Variants in RBM26 observed in about 807,000 individuals in gnomAD.
RBM26 encodes the protein RNA binding motif protein 26.
Under a neutral mutation model 123.6 loss-of-function variants are expected in RBM26, and 30 were observed. The observed-to-expected ratio is 0.24, with a 90% confidence interval of 0.18 to 0.33. The LOEUF (loss-of-function observed/expected upper bound fraction) is 0.33, where lower values mean the gene tolerates loss of function less well. RBM26 is among the 10% of genes least tolerant of loss of function. The probability of loss-of-function intolerance (pLI) is 1.00; values close to 1 mark genes in which losing one functional copy is unlikely to be tolerated. For missense variants in RBM26, 947 were observed against 1,203.6 expected (o/e 0.79, Z 3.15); for synonymous variants, 400 against 404.4 (o/e 0.99, Z 0.13).
rs56071300 is a variant in RBM26, at chr13:79,319,949, CTTTTTTTT to C, written c.*664_*671del. The C allele has an allele frequency of 0.025, 2,886 of 116,104 alleles. 30 individuals are homozygous for C. The highest frequency in any genetic ancestry group is 0.029 in the Admixed American group (12 of 416). The allele number at this position is 116,104 out of a possible 1,614,324, so 7.2% of individuals were successfully genotyped here. On this transcript the variant is annotated 3_prime_UTR_variant, in exon 22 of 22. Transcript: ENST00000438737. ...TTTAAATCAAGGAACATTGTCTTGGCTTTTTTTTTTTTTTTTTTTTTGTCATTGCTTTT... is the reference window on the plus strand; with the variant it reads ...TTTAAATCAAGGAACATTGTCTTGGCTTTTTTTTTTTTTGTCATTGCTTTT...
chr13:79,377,487 A>G lies in RBM26; in HGVS notation c.219T>C (p.Phe73=). 1 of 1,612,144 alleles carries G rather than the reference A, an allele frequency of 6.2e-7. No individual in the cohort carries two copies. Among genetic ancestry groups the G allele is most frequent in the Non-Finnish European group, 8.5e-7 (1 of 1,178,390 alleles). The change falls in exon 3 of 22, where the codon TTT becomes TTC. Residue 73 remains phenylalanine (F), a synonymous_variant. Transcript: ENST00000438737. ...KETQIFVEKL[F]DAVNTKSYLP... is the part of the protein sequence containing the mutation. Reference sequence around the variant, plus strand: ...GGTAACTCTTTGTATTCACAGCATCAAAAAGTTTTTCCACAAATATCTGTG... The same window carrying G: ...GGTAACTCTTTGTATTCACAGCATCGAAAAGTTTTTCCACAAATATCTGTG...
At chr13:79,325,789 TA>T (rs2068309507) in intron 20 of RBM26, among the ~76,000 whole-genome samples, 1 of 152,210 alleles carries the variant, frequency 6.6e-6, no homozygotes, top group South Asian at 2.1e-4. Context: ...GGTAATGTTC[TA>T]GGCCTTTACA....
downstream of RBM26, chr13:79,314,679 G>C (rs1203507672): frequency 5.9e-6 from 1 of 170,810 alleles, no homozygotes; most frequent in Non-Finnish European, 1.3e-5. Flanking sequence ...GCTCAGACTT[G>C]AATATACGTC....
intron 1 of RBM26, among the ~76,000 whole-genome samples, chr13:79,403,454 T>C (rs1201498539): frequency 1.3e-5 from 2 of 152,146 alleles, no homozygotes; most frequent in African/African-American, 2.4e-5. Flanking sequence ...AGTCTTCTCA[T>C]TTAGGTAAGA....
intron 3 of RBM26, 47 bp from the exon 4 acceptor site, chr13:79,371,977 A>T (rs750106407): frequency 7.8e-7 from 1 of 1,289,988 alleles, no homozygotes; most frequent in East Asian, 2.3e-5. Context: ...TAATTATTCC[A>T]CTGTTAAATA....
At chr13:79,314,907 T>C (rs903224032), downstream of RBM26, 2 of 965,492 alleles carry the variant, frequency 2.1e-6, no homozygotes, top group East Asian at 6.1e-5. Flanking sequence ...AATAGGATGA[T>C]ATTATTGTAA....
At chr13:79,323,078 A>G (rs1027118455) in intron 20 of RBM26, among the ~76,000 whole-genome samples, 2 of 151,572 alleles carry the variant, frequency 1.3e-5, no homozygotes, top group African/African-American at 4.8e-5. Flanking sequence ...GAACTCTTCT[A>G]TTGAAAAACA....
chr13:79,316,101 C>T (rs763317815), downstream of RBM26, among the ~76,000 whole-genome samples: 15 of 151,036 alleles, frequency 9.9e-5, no homozygotes, highest in Non-Finnish European at 2.1e-4. Flanking sequence ...AGAAAAGCCC[C>T]GAGAGAAAGA....
chr13:79,389,708 G>A (rs2077778158), intron 1 of RBM26: 2 of 152,146 alleles, frequency 1.3e-5, no homozygotes, highest in Non-Finnish European at 2.9e-5. Flanking sequence ...AAAAGTTCAA[G>A]GATGGGAAAC....
At position 79,359,562 on chromosome 13, in the gene RBM26, C is replaced by G. The variant is rs756249535; in HGVS notation, c.1529+13G>C. 7.8e-7 allele frequency: 1 copy of G among 1,275,664 alleles called. No homozygotes were observed. Among genetic ancestry groups the G allele is most frequent in the Non-Finnish European group, 1.1e-6 (1 of 890,990 alleles). The allele number at this position is 1,275,664 out of a possible 1,614,324, so 79.0% of individuals were successfully genotyped here. On this transcript the variant is annotated intron_variant, in intron 10 of 21. Transcript: ENST00000438737. ...TGCACAATTATACTCCTCAATTTTCCTGGCCACCTTACTTATCAAACCAAG... is the reference window on the plus strand; with the variant it reads ...TGCACAATTATACTCCTCAATTTTCGTGGCCACCTTACTTATCAAACCAAG...
intron 1 of RBM26, among the ~76,000 whole-genome samples, 188 bp downstream of exon 1, chr13:79,405,516 C>G (rs1015298768): frequency 1.3e-5 from 2 of 151,462 alleles, no homozygotes; most frequent in Admixed American, 6.6e-5. Context: ...AAATAAAGCT[C>G]GACTCAGGCT....
At chr13:79,327,037 T>C (rs946652966) in intron 20 of RBM26, among the ~76,000 whole-genome samples, 3 of 152,058 alleles carry the variant, frequency 2.0e-5, no homozygotes, top group Non-Finnish European at 4.4e-5. Flanking sequence ...GACAGAAACC[T>C]GTAATTCTAG....
At chr13:79,351,569 C>G (rs1231357263) in intron 14 of RBM26, among the ~76,000 whole-genome samples, 4 of 143,698 alleles carry the variant, frequency 2.8e-5, no homozygotes, top group African/African-American at 1.0e-4. Flanking sequence ...GAGACTTTCA[C>G]TCTTTAAATA....
chr13:79,341,578 A>G (rs2071386520), intron 17 of RBM26, among the ~76,000 whole-genome samples: 1 of 151,870 alleles, frequency 6.6e-6, no homozygotes, highest in Non-Finnish European at 1.5e-5. Context: ...GTTTTTATGT[A>G]GAAAACATAC....
chr13:79,358,149 C>A (rs2074256300), intron 11 of RBM26, 125 bp downstream of exon 11: 1 of 812,712 alleles, frequency 1.2e-6, no homozygotes, highest in Admixed American at 4.0e-5. Context: ...TCCCAAAGTG[C>A]TGGGATTACA....
At chr13:79,334,223 T>A in intron 20 of RBM26, 121 bp downstream of exon 20, 1 of 560,020 alleles carries the variant, frequency 1.8e-6, no homozygotes, top group Non-Finnish European at 3.1e-6. Context: ...CCACTTCAGG[T>A]GTTCTACCTA....
At chr13:79,341,385 A>G (rs2071348043) in intron 17 of RBM26, among the ~76,000 whole-genome samples, 158 bp from the exon 18 acceptor site, 1 of 151,842 alleles carries the variant, frequency 6.6e-6, no homozygotes, top group Non-Finnish European at 1.5e-5. Context: ...ACACCTCCAC[A>G]ATAACTGCAA....
chr13:79,385,687 A>G (rs1204254766), intron 1 of RBM26, among the ~76,000 whole-genome samples: 1 of 152,238 alleles, frequency 6.6e-6, no homozygotes, highest in Non-Finnish European at 1.5e-5. Flanking sequence ...TTAGTTTGAT[A>G]TAATAAATCC....
Position 79,365,726 on chromosome 13 carries a change from T to A in RBM26, c.1277-8A>T, listed in dbSNP as rs548539696. ...CATCTGTGTCATATGTATCTGGTAA[T>A]ACAAAAACTGTAATTAAAAAACAAT... On this transcript the variant is annotated splice_polypyrimidine_tract_variant and splice_region_variant and intron_variant, in intron 8 of 21. Coordinates refer to ENST00000438737, the MANE Select transcript of RBM26 (RefSeq NM_001366735.2). The A allele has an allele frequency of 6.2e-7, 1 of 1,601,270 alleles. No individual in the cohort carries two copies. Among genetic ancestry groups the A allele is most frequent in the Non-Finnish European group, 8.5e-7 (1 of 1,176,502 alleles).
Sources: allele counts gnomAD v4.1 joint callset (sites outside exome capture counted in the v4.1 genomes callset), GRCh38; gene constraint gnomAD v4.1.1; transcripts MANE v1.5; gene names NCBI Gene and HGNC (gene_info 2026-07-23, HGNC 2026-07-21).